Variants in CYP4B1 observed in about 807,000 individuals in gnomAD.
CYP4B1 encodes cytochrome P450 4B1.
A neutral mutation model predicts 54.0 loss-of-function variants in CYP4B1; 45 were observed. The observed-to-expected ratio is 0.83, with a 90% CI of 0.66 to 1.07. The LOEUF is 1.07. Ranked by LOEUF, CYP4B1 falls within the 50% of genes least tolerant of loss-of-function variation. CYP4B1 has a pLI of 0.00. For missense variants in CYP4B1, 656 were observed against 655.4 expected (o/e 1.00, Z -0.01); for synonymous variants, 248 against 247.5 (o/e 1.00, Z -0.02).
intron 1 of CYP4B1, among the ~76,000 whole-genome samples, chr1:46,803,407 AGTGAGGGCTCCTCCAT>A (rs1678735921): frequency 6.6e-6 from 1 of 152,202 alleles, no homozygotes; most frequent in Admixed American, 6.5e-5. Flanking sequence ...TGTGAGGGTC[AGTGAGGGCTCCTCCAT>A]GTAGCAGGAA....
intron 9 of CYP4B1, 96 bp from the exon 10 acceptor site, chr1:46,817,869 C>T (rs1679397889): frequency 4.7e-6 from 5 of 1,061,764 alleles, no homozygotes; most frequent in Non-Finnish European, 5.8e-6. Flanking sequence ...GGAGCTGGCA[C>T]CCCAGTTAAG....
chr1:46,803,195 A>G (rs940382237), intron 1 of CYP4B1, among the ~76,000 whole-genome samples: 2 of 152,222 alleles, frequency 1.3e-5, no homozygotes, highest in African/African-American at 4.8e-5. Flanking sequence ...TGTTTTAGAA[A>G]GATCACTTTG....
At chr1:46,809,047 C>A (rs2148402156) in intron 1 of CYP4B1, among the ~76,000 whole-genome samples, 1 of 150,812 alleles carries the variant, frequency 6.6e-6, no homozygotes, top group African/African-American at 2.4e-5. Flanking sequence ...TGCAGCGCAC[C>A]AGCATGGCAC....
At chr1:46,811,030 G>T in intron 2 of CYP4B1, 81 bp downstream of exon 2, 1 of 1,601,834 alleles carries the variant, frequency 6.2e-7, no homozygotes, top group Admixed American at 1.7e-5. Context: ...TGGGGAGGAA[G>T]CCTGGGCCTG....
intron 9 of CYP4B1, 106 bp from the exon 10 acceptor site, chr1:46,817,859 G>A: frequency 1.1e-6 from 1 of 923,520 alleles, no homozygotes; most frequent in Non-Finnish European, 1.8e-6. Context: ...TGGTCAGGCA[G>A]GAGCTGGCAC....
At chr1:46,807,571 T>C (rs1457750615) in intron 1 of CYP4B1, among the ~76,000 whole-genome samples, 1 of 152,232 alleles carries the variant, frequency 6.6e-6, no homozygotes, top group East Asian at 1.9e-4. Context: ...GAGGCAGGCA[T>C]ACAAGAATGT....
At chr1:46,805,914 G>C (rs150745614) in intron 1 of CYP4B1, among the ~76,000 whole-genome samples, 1 of 152,160 alleles carries the variant, frequency 6.6e-6, no homozygotes, top group Middle Eastern at 3.2e-3. Context: ...GGGCACCTAA[G>C]GGTGTCCATC....
Position 46,799,160 on chromosome 1 carries a change from C to T in CYP4B1, c.79C>T (p.Leu27Phe). The change falls in exon 1 of 12, where the codon CTC becomes TTC. Residue 27 changes from leucine to phenylalanine, a missense_variant. Coordinates refer to ENST00000371923, the MANE Select transcript of CYP4B1 (RefSeq NM_001099772.2). ...TGGGCTGATCTTGGTCTTAGGCTTT[C>T]TCAAGCTCATCCACCTGCTGCTGCG... is the stretch of plus-strand genomic sequence containing the variant. ...ASGLILVLGF[L>F]KLIHLLLRRQ... 6.2e-7 allele frequency: 1 copy of T among 1,613,556 alleles called. No individual in the cohort carries two copies. The highest frequency in any genetic ancestry group is 8.5e-7 in the Non-Finnish European group (1 of 1,179,804).
At chr1:46,809,218 G>A (rs1158719926) in intron 1 of CYP4B1, among the ~76,000 whole-genome samples, 2 of 151,658 alleles carry the variant, frequency 1.3e-5, no homozygotes, top group Non-Finnish European at 2.9e-5. Context: ...AAGCTCTCAT[G>A]GGAACTAAGA....
chr1:46,817,980 T>G lies in CYP4B1; in HGVS notation c.1223T>G (p.Met408Arg). The G allele has an allele frequency of 6.2e-7, 1 of 1,614,172 alleles. No individual in the cohort carries two copies. Among genetic ancestry groups the G allele is most frequent in the Admixed American group, 1.7e-5 (1 of 60,020 alleles). ...CTGCCCACAGGAAGCCTGATCTCTA[T>G]GCATATCTATGCCCTCCATAGGAAC... Reference protein sequence around the residue: ...RSLPAGSLISMHIYALHRNSA... With the variant: ...RSLPAGSLISRHIYALHRNSA... The change falls in exon 10 of 12, where the codon ATG (methionine) becomes AGG (arginine). Residue 408 changes from methionine (M) to arginine (R), a missense_variant. Physicochemically the swap from Met to Arg is moderately conservative, Grantham distance 91. Coordinates refer to ENST00000371923, the MANE Select transcript of CYP4B1 (RefSeq NM_001099772.2).
chr1:46,807,274 G>T (rs1267310800), intron 1 of CYP4B1, among the ~76,000 whole-genome samples: 1 of 152,192 alleles, frequency 6.6e-6, no homozygotes, highest in Non-Finnish European at 1.5e-5. Flanking sequence ...TCCCTTGTGG[G>T]GTTGCTGCAG....
chr1:46,818,628 C>T lies in CYP4B1; in HGVS notation c.1356-3C>T. ...CGATGACTCTTTGTGCTGCTTGCTA[C>T]AGGAACTGCATTGGGCAGCAGTTTG... On this transcript the variant is annotated splice_polypyrimidine_tract_variant and splice_region_variant and intron_variant, in intron 11 of 11. Transcript: ENST00000371923. 4 of 1,614,126 alleles carry T rather than the reference C, an allele frequency of 2.5e-6. No individual in the cohort carries two copies. The highest frequency in any genetic ancestry group is 3.4e-6 in the Non-Finnish European group (4 of 1,179,950).
chr1:46,817,087 C>T lies in CYP4B1; in HGVS notation c.1113C>T (p.Ile371=). 6.2e-7 allele frequency: 1 copy of T among 1,614,164 alleles called. No homozygotes were observed. Among genetic ancestry groups the T allele is most frequent in the Non-Finnish European group, 8.5e-7 (1 of 1,179,996 alleles). ...LGKMTYLTMC[I]KESFRLYPPV... ...AAATGACTTATCTGACCATGTGCATCAAGGAGAGCTTCCGCCTCTACCCAC... is the reference window on the plus strand; with the variant it reads ...AAATGACTTATCTGACCATGTGCATTAAGGAGAGCTTCCGCCTCTACCCAC... Residue 371 remains isoleucine, a synonymous_variant, in exon 9 of 12, where the codon ATC becomes ATT. Coordinates refer to ENST00000371923, the MANE Select transcript of CYP4B1 (RefSeq NM_001099772.2).
Position 46,817,140 on chromosome 1 carries a change from G to T in CYP4B1, c.1166G>T (p.Ser389Ile). 2 of 1,614,214 alleles carry T rather than the reference G, an allele frequency of 1.2e-6. No homozygotes were observed. The highest frequency in any genetic ancestry group is 1.7e-6 in the Non-Finnish European group (2 of 1,180,032). ...GTGCCCCAGGTGTACCGCCAGCTCAGCAAGCCTGTCACCTTTGTGGATGGC... is the reference window on the plus strand; with the variant it reads ...GTGCCCCAGGTGTACCGCCAGCTCATCAAGCCTGTCACCTTTGTGGATGGC... ...PPVPQVYRQL[S>I]KPVTFVDGRS... is the part of the protein sequence containing the mutation. The change falls in exon 9 of 12, where the codon AGC becomes ATC. Residue 389 changes from serine (S) to isoleucine (I), a missense_variant. Ser to Ile is a moderately radical substitution (Grantham distance 142, BLOSUM62 -2). Transcript: ENST00000371923.
intron 11 of CYP4B1, 131 bp downstream of exon 11, chr1:46,818,344 C>CA: frequency 2.3e-6 from 2 of 870,558 alleles, no homozygotes; most frequent in Non-Finnish European, 3.6e-6. Flanking sequence ...GGTTCTAATG[C>CA]AGGAGGCTTC....
intron 8 of CYP4B1, among the ~76,000 whole-genome samples, chr1:46,816,796 C>T (rs1220229565): frequency 6.6e-6 from 1 of 152,100 alleles, no homozygotes; most frequent in Non-Finnish European, 1.5e-5. Context: ...GCACCTTCAT[C>T]TCTAGGGTCC....
chr1:46,815,093 T>G lies in CYP4B1; in HGVS notation c.902T>G (p.Leu301Arg), dbSNP rs746996053. Reference sequence around the variant, plus strand: ...ACCCAGGATGAAGATGACATCAAACTGTCAGATGCAGACCTCCGGGCTGAA... The same window carrying G: ...ACCCAGGATGAAGATGACATCAAACGGTCAGATGCAGACCTCCGGGCTGAA... ...LGARDEDDIK[L>R]SDADLRAEVD... Residue 301 changes from leucine to arginine, a missense_variant, in exon 8 of 12, where the codon CTG (leucine) becomes CGG (arginine). Leu to Arg is a moderately radical substitution (Grantham distance 102). Coordinates refer to ENST00000371923, the MANE Select transcript of CYP4B1 (RefSeq NM_001099772.2). 1.3e-4 allele frequency: 202 copies of G among 1,614,044 alleles called. No individual in the cohort carries two copies. The highest frequency in any genetic ancestry group is 1.6e-4 in the Non-Finnish European group (186 of 1,180,016).
intron 9 of CYP4B1, among the ~76,000 whole-genome samples, chr1:46,817,595 C>T (rs1228113355): frequency 6.6e-6 from 1 of 152,134 alleles, no homozygotes; most frequent in Non-Finnish European, 1.5e-5. Flanking sequence ...TAGCAAGCAC[C>T]TGGTGAATGA....
In CYP4B1 at chr1:46,810,854, A is replaced by C. The variant is rs777868870; in HGVS notation, c.227A>C (p.Gln76Pro). 6.2e-7 allele frequency: 1 copy of C among 1,614,140 alleles called. No homozygotes were observed. Among genetic ancestry groups the C allele is most frequent in the Non-Finnish European group, 8.5e-7 (1 of 1,179,992 alleles). Reference sequence around the variant, plus strand: ...GACAAAGTGGTGTCCTGGGCCCACCAGTTCCCGTATGCCCACCCACTCTGG... The same window carrying C: ...GACAAAGTGGTGTCCTGGGCCCACCCGTTCCCGTATGCCCACCCACTCTGG... ...SLDKVVSWAH[Q>P]FPYAHPLWFG... Residue 76 changes from glutamine (Q) to proline (P), a missense_variant, in exon 2 of 12, where the codon CAG becomes CCG. Coordinates refer to ENST00000371923, the MANE Select transcript of CYP4B1 (RefSeq NM_001099772.2).
Sources: gnomAD v4.1 joint callset for allele counts (sites outside exome capture counted in the v4.1 genomes callset) on GRCh38, gnomAD v4.1.1 for gene constraint, MANE v1.5 for transcripts, NCBI Gene and HGNC (gene_info 2026-07-23, HGNC 2026-07-21) for gene names.